Variants in PMM2 observed in about 807,000 individuals in gnomAD.
The protein encoded by PMM2 is mannose-6-phosphate isomerase.
A neutral mutation model predicts 33.2 loss-of-function variants in PMM2; 35 were observed. The observed-to-expected ratio is 1.06, with a 90% confidence interval of 0.81 to 1.40. The LOEUF (loss-of-function observed/expected upper bound fraction) is 1.40, where lower values mean the gene tolerates loss of function less well. PMM2 is among the 40% of genes most tolerant of loss of function. The pLI, the probability that PMM2 is intolerant of heterozygous loss-of-function variation, is 0.00. For synonymous variants in PMM2, 153 were observed against 114.7 expected (o/e 1.33, Z -2.13); for missense variants, 386 against 306.0 (o/e 1.26, Z -1.95).
At chr16:8,820,169 G>A (rs998818232) in intron 7 of PMM2, among the ~76,000 whole-genome samples, 2 of 152,046 alleles carry the variant, frequency 1.3e-5, no homozygotes, top group African/African-American at 4.8e-5. Context: ...TGCACTCCAG[G>A]CTGGGCAACA....
chr16:8,844,018 G>C (rs2060907651), intron 7 of PMM2, among the ~76,000 whole-genome samples: 1 of 152,148 alleles, frequency 6.6e-6, no homozygotes, highest in Non-Finnish European at 1.5e-5. Flanking sequence ...GGACTGATGT[G>C]TAAAAGAATG....
At position 8,804,848 on chromosome 16, in the gene PMM2, G is replaced by T. The variant is rs370480677; in HGVS notation, c.255+5G>T. On this transcript the variant is annotated splice_donor_5th_base_variant and intron_variant, in intron 3 of 7. Transcript: ENST00000268261. ...GGGAAACTCTTGTGTAGACAGGTAGGTTCTTGAGTATCTGAATTACTATAT... is the reference window on the plus strand; with the variant it reads ...GGGAAACTCTTGTGTAGACAGGTAGTTTCTTGAGTATCTGAATTACTATAT... 1.9e-5 allele frequency: 30 copies of T among 1,578,146 alleles called. No homozygotes were observed. The highest frequency in any genetic ancestry group is 2.5e-5 in the Non-Finnish European group (29 of 1,147,412).
chr16:8,813,923 G>A (rs568345394), intron 7 of PMM2, among the ~76,000 whole-genome samples: 1 of 144,234 alleles, frequency 6.9e-6, no homozygotes, highest in South Asian at 2.2e-4. Context: ...CTGGAGTGCA[G>A]TGGTGCAATC....
intron 7 of PMM2, among the ~76,000 whole-genome samples, chr16:8,814,325 C>G (rs141796959): frequency 2.4e-4 from 36 of 152,266 alleles, no homozygotes; most frequent in African/African-American, 8.7e-4. Context: ...CCCTCTGCCT[C>G]CCTCCCACAT....
intron 7 of PMM2, among the ~76,000 whole-genome samples, chr16:8,843,620 G>C (rs376557812): frequency 6.6e-6 from 1 of 152,152 alleles, no homozygotes; most frequent in East Asian, 1.9e-4. Context: ...TTGTGTGCTG[G>C]AGATGTGGCT....
In PMM2 at chr16:8,806,431, G is replaced by T. The variant is rs767049053; in HGVS notation, c.347+24G>T. 1.2e-4 allele frequency: 167 copies of T among 1,437,686 alleles called. No homozygotes were observed. In the Admixed American group the frequency reaches 2.5e-3, roughly 22 times the overall value. 89.1% of individuals were successfully genotyped at this position (1,437,686 alleles called of 1,614,324 possible). On this transcript the variant is annotated intron_variant, in intron 4 of 7. Transcript: ENST00000268261. Reference sequence around the variant, plus strand: ...AGGTGGGTTTGCTTTTAACAAAGAGGCGTCACAGGAACATAGCGTAGTGTC... The same window carrying T: ...AGGTGGGTTTGCTTTTAACAAAGAGTCGTCACAGGAACATAGCGTAGTGTC...
intron 7 of PMM2, among the ~76,000 whole-genome samples, chr16:8,839,349 G>A (rs2060873928): frequency 6.6e-6 from 1 of 151,988 alleles, no homozygotes; most frequent in Admixed American, 6.6e-5. Flanking sequence ...AAAAGATGAG[G>A]AGTGCTGCAA....
chr16:8,815,117 A>C (rs2060699815), intron 7 of PMM2, among the ~76,000 whole-genome samples: 1 of 152,022 alleles, frequency 6.6e-6, no homozygotes, highest in Non-Finnish European at 1.5e-5. Context: ...TTATTCACTC[A>C]GTATGTCTTC....
chr16:8,838,215 G>T (rs1243696261), intron 7 of PMM2, among the ~76,000 whole-genome samples: 1 of 152,078 alleles, frequency 6.6e-6, no homozygotes, highest in Non-Finnish European at 1.5e-5. Flanking sequence ...CTTCTTAAGG[G>T]TGGGGGAGAT....
intron 7 of PMM2, among the ~76,000 whole-genome samples, chr16:8,847,330 C>T (rs1419445302): frequency 2.6e-5 from 4 of 151,548 alleles, no homozygotes; most frequent in Non-Finnish European, 4.4e-5. Context: ...CGGCCCTCTG[C>T]CCTCCTGACG....
Position 8,847,696 on chromosome 16 carries a change from C to G in PMM2, c.640-28C>G, listed in dbSNP as rs181837170. 1,229 of 1,534,068 alleles carry G rather than the reference C, an allele frequency of 8.0e-4. 10 individuals are homozygous for G. The African/African-American group carries it at 0.014, about 17-fold the overall frequency. On this transcript the variant is annotated intron_variant, in intron 7 of 7. Coordinates refer to ENST00000268261, the MANE Select transcript of PMM2 (RefSeq NM_000303.3). ...ATGGCCCGGGACAGACGAGGGGGAG[C>G]CTTCATCTGTACTTCGTGTCTTTCC...
rs1030275154 is a variant in PMM2, at chr16:8,847,907, G to C, written c.*82G>C. On this transcript the variant is annotated 3_prime_UTR_variant, in exon 8 of 8. Coordinates refer to ENST00000268261, the MANE Select transcript of PMM2 (RefSeq NM_000303.3). ...GCCAGAGCCGAGGGTCCTCCCACAC[G>C]TGCTCACCCACCCGCAGCCTAGGCA... The C allele has an allele frequency of 1.1e-5, 11 of 1,043,474 alleles. No homozygotes were observed. The highest frequency in any genetic ancestry group is 1.8e-5 in the Admixed American group (1 of 55,336). The allele number at this position is 1,043,474 out of a possible 1,614,324, so 64.6% of individuals were successfully genotyped here.
At chr16:8,832,686 A>G in intron 7 of PMM2, 1 of 985,414 alleles carries the variant, frequency 1.0e-6, no homozygotes, top group Non-Finnish European at 1.2e-6. Flanking sequence ...CCCGTTCTCC[A>G]GAAAGATCCT....
At chr16:8,811,886 C>T in intron 6 of PMM2, among the ~76,000 whole-genome samples, 173 bp downstream of exon 6, 1 of 152,190 alleles carries the variant, frequency 6.6e-6, no homozygotes, top group Non-Finnish European at 1.5e-5. Context: ...CATAATTAGC[C>T]ATAATAGGAC....
chr16:8,815,526 C>T (rs970747011), intron 7 of PMM2, among the ~76,000 whole-genome samples: 6 of 152,214 alleles, frequency 3.9e-5, no homozygotes, highest in Non-Finnish European at 8.8e-5. Context: ...CCAGCGTGCC[C>T]GGTCAGAATA....
chr16:8,841,387 G>C lies in PMM2; in HGVS notation c.640-6337G>C, dbSNP rs1465953068. 3.3e-5 allele frequency among the ~76,000 whole-genome samples: 5 copies of C among 150,654 alleles called. No individual in the cohort carries two copies. In the East Asian group the frequency reaches 8.0e-4, roughly 24 times the overall value. ...CTTATCTAGTGAAAGTGTCTACTTA[G>C]ACTAAGAGGTATTTTAGTTATCTGA... On this transcript the variant is annotated intron_variant, in intron 7 of 7. Transcript: ENST00000268261.
intron 7 of PMM2, among the ~76,000 whole-genome samples, chr16:8,813,512 G>A (rs57245976): frequency 0.022 from 3,351 of 152,236 alleles, 120 homozygotes; most frequent in African/African-American, 0.075. Flanking sequence ...GGCCATGAAC[G>A]ATGGGAGGAT....
At position 8,817,507 on chromosome 16, in the gene PMM2, A is replaced by C. The variant is rs113254274; in HGVS notation, c.639+4401A>C. ...ATGTAAATAGCCATTTAGAAGCCTC[A>C]GTTGGGACTTTGCAGAATGGAATGC... On this transcript the variant is annotated intron_variant, in intron 7 of 7. Coordinates refer to ENST00000268261, the MANE Select transcript of PMM2 (RefSeq NM_000303.3). 4.5e-3 allele frequency among the ~76,000 whole-genome samples: 688 copies of C among 152,350 alleles called. 14 individuals carry two copies. Among genetic ancestry groups the C allele is most frequent in the African/African-American group, 0.016 (657 of 41,582 alleles).
intron 7 of PMM2, among the ~76,000 whole-genome samples, chr16:8,823,755 T>C (rs978874408): frequency 6.6e-6 from 1 of 152,178 alleles, no homozygotes. Context: ...CTAAGATAAT[T>C]TGGGGCTCCT....
Sources: allele counts gnomAD v4.1 joint callset (sites outside exome capture counted in the v4.1 genomes callset), GRCh38; gene constraint gnomAD v4.1.1; transcripts MANE v1.5; gene names NCBI Gene and HGNC (gene_info 2026-07-23, HGNC 2026-07-21).